Variants in SH3RF2 observed in about 807,000 individuals in gnomAD.
SH3RF2 encodes the protein SH3 domain containing ring finger 2.
In SH3RF2, 43 loss-of-function variants were observed where a neutral mutation model predicts 59.0. That is an observed-to-expected ratio of 0.73 (90% CI 0.57 to 0.94). The LOEUF (loss-of-function observed/expected upper bound fraction) is 0.94. Ranked by LOEUF, SH3RF2 falls within the 40% of genes least tolerant of loss-of-function variation. The pLI, the probability that SH3RF2 is intolerant of heterozygous loss-of-function variation, is 0.00. For synonymous variants in SH3RF2, 391 were observed against 391.5 expected (o/e 1.00, Z 0.01); for missense variants, 930 against 940.1 (o/e 0.99, Z 0.14).
intron 8 of SH3RF2, among the ~76,000 whole-genome samples, chr5:146,059,228 A>C (rs1762791608): frequency 6.6e-6 from 1 of 152,150 alleles, no homozygotes; most frequent in Admixed American, 6.5e-5. Flanking sequence ...TAACTGTGGA[A>C]TAACCTTTCC....
exon 10 of SH3RF2, chr5:146,081,030 C>T (rs904507717): frequency 3.3e-5 from 5 of 152,260 alleles, no homozygotes; most frequent in Non-Finnish European, 7.3e-5. Flanking sequence ...GATCTCCTGA[C>T]CTTGTGATCT....
chr5:145,949,353 G>A (rs17104073), intron 2 of SH3RF2, among the ~76,000 whole-genome samples: 10,113 of 152,244 alleles, frequency 0.066, 1,136 homozygotes, highest in African/African-American at 0.23. Context: ...TTGCCAAGGC[G>A]ATACGGCAGA....
At chr5:145,950,851 A>G (rs1758166235) in intron 2 of SH3RF2, among the ~76,000 whole-genome samples, 1 of 152,216 alleles carries the variant, frequency 6.6e-6, no homozygotes, top group African/African-American at 2.4e-5. Flanking sequence ...GTAGGTGAGG[A>G]AAAATAGAGC....
intron 2 of SH3RF2, among the ~76,000 whole-genome samples, chr5:145,962,914 T>A (rs1047866450): frequency 4.3e-5 from 6 of 140,374 alleles, no homozygotes; most frequent in Admixed American, 2.3e-4. Flanking sequence ...TTTTTTTTTT[T>A]AGAGACGGAG....
intron 8 of SH3RF2, among the ~76,000 whole-genome samples, chr5:146,057,221 G>T (rs1280217955): frequency 2.6e-5 from 4 of 152,308 alleles, no homozygotes; most frequent in African/African-American, 7.2e-5. Flanking sequence ...CCCTTAAAAA[G>T]AAAGCACATA....
chr5:146,067,193 A>G (rs1196433562), downstream of SH3RF2, among the ~76,000 whole-genome samples: 1 of 152,210 alleles, frequency 6.6e-6, no homozygotes, highest in Non-Finnish European at 1.5e-5. Flanking sequence ...GATGAGATGC[A>G]GAACTGACTC....
chr5:145,976,458 G>C (rs1202489943), intron 2 of SH3RF2, among the ~76,000 whole-genome samples: 1 of 151,590 alleles, frequency 6.6e-6, no homozygotes, highest in African/African-American at 2.4e-5. Context: ...AAAAAAAAAG[G>C]TGGGGGGCGG....
intron 2 of SH3RF2, among the ~76,000 whole-genome samples, chr5:145,939,190 C>G (rs1204295808): frequency 6.6e-6 from 1 of 152,200 alleles, no homozygotes; most frequent in Admixed American, 6.5e-5. Flanking sequence ...GAATTATTTG[C>G]ACTGTCACCC....
intron 2 of SH3RF2, among the ~76,000 whole-genome samples, chr5:145,969,930 T>C (rs1225303972): frequency 1.3e-5 from 2 of 152,074 alleles, no homozygotes; most frequent in African/African-American, 4.8e-5. Context: ...ACATTTTCCC[T>C]GGGCTCTGCA....
chr5:146,061,574 G>T (rs1041940150), intron 9 of SH3RF2, among the ~76,000 whole-genome samples: 1 of 152,200 alleles, frequency 6.6e-6, no homozygotes, highest in African/African-American at 2.4e-5. Flanking sequence ...TTACATGGAA[G>T]AAAGACATCA....
intron 5 of SH3RF2, among the ~76,000 whole-genome samples, chr5:146,024,005 T>A (rs1761432925): frequency 6.6e-6 from 1 of 152,252 alleles, no homozygotes; most frequent in Non-Finnish European, 1.5e-5. Context: ...TATCCACTCA[T>A]CAATGAATGA....
At chr5:146,028,312 AGG>A (rs1761615304) in intron 5 of SH3RF2, among the ~76,000 whole-genome samples, 3 of 152,230 alleles carry the variant, frequency 2.0e-5, no homozygotes, top group Non-Finnish European at 4.4e-5. Context: ...GGGAACAAAG[AGG>A]GTAGTATAGA....
chr5:145,977,682 G>T (rs1185891404), intron 2 of SH3RF2, among the ~76,000 whole-genome samples: 2 of 152,202 alleles, frequency 1.3e-5, no homozygotes, highest in Non-Finnish European at 2.9e-5. Context: ...AGATGTCACA[G>T]CTAGTTTGTG....
chr5:145,982,888 G>A (rs976339952), intron 2 of SH3RF2, among the ~76,000 whole-genome samples: 1 of 152,138 alleles, frequency 6.6e-6, no homozygotes, highest in Non-Finnish European at 1.5e-5. Flanking sequence ...AGGGTGGAGT[G>A]TAGAAAGAAT....
chr5:145,998,614 G>C (rs1760264211), intron 2 of SH3RF2, among the ~76,000 whole-genome samples: 1 of 152,080 alleles, frequency 6.6e-6, no homozygotes, highest in African/African-American at 2.4e-5. Flanking sequence ...TCATTTCCCA[G>C]TGCATATAAA....
At position 146,013,900 on chromosome 5, in the gene SH3RF2, T is replaced by C. The variant is rs892474562; in HGVS notation, c.898T>C (p.Ser300Pro). 3.1e-6 allele frequency: 5 copies of C among 1,614,092 alleles called. No homozygotes were observed. Among genetic ancestry groups the C allele is most frequent in the Non-Finnish European group, 4.2e-6 (5 of 1,180,010 alleles). Residue 300 changes from serine (S) to proline (P), a missense_variant, in exon 5 of 10, where the codon TCC becomes CCC. Ser to Pro is a moderately conservative substitution (Grantham distance 74, BLOSUM62 -1). Coordinates refer to ENST00000359120, the MANE Select transcript of SH3RF2 (RefSeq NM_152550.4). ...GSRRKVPGQF[S>P]ITTALNTLNR... ...CAGGAGGAAGGTGCCTGGGCAGTTTTCCATCACAACAGCCTTGAACACTCT... is the reference window on the plus strand; with the variant it reads ...CAGGAGGAAGGTGCCTGGGCAGTTTCCCATCACAACAGCCTTGAACACTCT...
intron 9 of SH3RF2, 37 bp from the exon 10 acceptor site, chr5:146,062,370 GGGAAATAGACATCTCCCAC>G: frequency 6.3e-7 from 1 of 1,577,224 alleles, no homozygotes. Flanking sequence ...GACAAGCATG[GGGAAATAGACATCTCCCAC>G]CTCACCTGTG....
rs188024809 is a variant in SH3RF2 at position 146,000,192 on chromosome 5, C to G, written c.513C>G (p.Ser171Arg). 6.2e-7 allele frequency: 1 copy of G among 1,613,542 alleles called. No individual in the cohort carries two copies. Among genetic ancestry groups the G allele is most frequent in the Non-Finnish European group, 8.5e-7 (1 of 1,179,786 alleles). Residue 171 changes from serine to arginine, a missense_variant, in exon 3 of 10, where the codon AGC becomes AGG. Coordinates refer to ENST00000359120, the MANE Select transcript of SH3RF2 (RefSeq NM_152550.4). ...NWYQGEINGISGNFPASSVEV... is the reference protein window; with the variant it reads ...NWYQGEINGIRGNFPASSVEV... ...ACCAGGGGGAAATCAATGGCATCAG[C>G]GGGAACTTCCCAGCCAGCTCCGTGG... is the stretch of plus-strand genomic sequence containing the variant.
intron 9 of SH3RF2, among the ~76,000 whole-genome samples, chr5:146,072,595 C>T (rs967115083): frequency 3.3e-5 from 5 of 152,036 alleles, no homozygotes; most frequent in African/African-American, 9.7e-5. Context: ...CACTTGAACC[C>T]GGGAGGCAGA....
Sources: allele counts gnomAD v4.1 joint callset (sites outside exome capture counted in the v4.1 genomes callset), GRCh38; gene constraint gnomAD v4.1.1; transcripts MANE v1.5; gene names NCBI Gene and HGNC (gene_info 2026-07-23, HGNC 2026-07-21).